The following KIF9 variants were observed in gnomAD, a reference collection of about 807,000 sequenced individuals.
KIF9 encodes the protein kinesin-like protein KIF9.
A neutral mutation model predicts 94.8 loss-of-function variants in KIF9; 68 were observed. The ratio of observed to expected loss-of-function variants is 0.72; its 90% CI spans 0.59 to 0.88. KIF9 has a LOEUF of 0.88. Among genes scored for constraint, KIF9 ranks in the 40% least tolerant of loss-of-function variants. The pLI is 0.00. For missense variants in KIF9, 882 were observed against 982.5 expected (o/e 0.90, Z 1.37); for synonymous variants, 343 against 362.1 (o/e 0.95, Z 0.60).
At chr3:47,273,708 T>C (rs773519860) in intron 3 of KIF9, 50 bp from the exon 4 acceptor site, 12 of 1,502,618 alleles carry the variant, frequency 8.0e-6, no homozygotes, top group Middle Eastern at 1.7e-4. Flanking sequence ...GCTCCAAGGA[T>C]AACTCTCCCC....
At chr3:47,262,270 TTTTG>T (rs1205434114) in intron 9 of KIF9, among the ~76,000 whole-genome samples, 2 of 148,684 alleles carry the variant, frequency 1.3e-5, no homozygotes, top group African/African-American at 2.6e-5. Context: ...TGCGGGGTTT[TTTTG>T]TTTTTTTTTT....
rs766453051 is a variant in KIF9 at position 47,265,719 on chromosome 3, T to C, written c.916+11A>G. ...GACCCTCCTCCCTGGGCAGCAACTGTACCCCCTCACCTAACGAGTCCTTCA... is the reference window on the plus strand; with the variant it reads ...GACCCTCCTCCCTGGGCAGCAACTGCACCCCCTCACCTAACGAGTCCTTCA... On this transcript the variant is annotated intron_variant, in intron 8 of 20. Transcript: ENST00000684063. 5.0e-6 allele frequency: 8 copies of C among 1,613,432 alleles called. No homozygotes were observed. The African/African-American group carries it at 1.1e-4, about 22-fold the overall frequency.
rs541870782 is a variant in KIF9 at position 47,247,257 on chromosome 3, C to T, written c.1233+116G>A. 1.0e-4 allele frequency: 70 copies of T among 686,898 alleles called. No homozygotes were observed. The East Asian group carries it at 1.4e-3, about 14-fold the overall frequency. 42.6% of individuals were successfully genotyped at this position (686,898 alleles called of 1,614,324 possible). On this transcript the variant is annotated intron_variant, in intron 12 of 20. Coordinates refer to ENST00000684063, the MANE Select transcript of KIF9 (RefSeq NM_182902.4). ...ACATCAAGAGTCCAGCACCACCCTC[C>T]ACCCACTGCACCCATTCACATGAGG...
At chr3:47,282,180 C>T in intron 1 of KIF9, 2 of 985,366 alleles carry the variant, frequency 2.0e-6, no homozygotes, top group South Asian at 4.7e-5. Flanking sequence ...CCAAAGCCCC[C>T]TCTAGTTCGA....
chr3:47,233,266 G>A (rs1279941224), intron 20 of KIF9, among the ~76,000 whole-genome samples: 1 of 150,280 alleles, frequency 6.7e-6, no homozygotes, highest in Admixed American at 6.7e-5. Context: ...AAGAGGCTGA[G>A]GCAGGAGAAT....
intron 9 of KIF9, among the ~76,000 whole-genome samples, chr3:47,262,124 A>T (rs1453934136): frequency 1.3e-5 from 2 of 152,060 alleles, no homozygotes; most frequent in Non-Finnish European, 2.9e-5. Context: ...GGGTACCAGG[A>T]GTTGTTTCCT....
chr3:47,228,446 T>A lies in KIF9; in HGVS notation c.*206A>T. On this transcript the variant is annotated 3_prime_UTR_variant, in exon 21 of 21. Coordinates refer to ENST00000684063, the MANE Select transcript of KIF9 (RefSeq NM_182902.4). ...TATCCTGTCCCTGCATATAAGACAG[T>A]GAATTAAAACCCAAAGTGCTCTGTG... The A allele has an allele frequency of 1.6e-6, 1 of 619,320 alleles. No homozygotes were observed. The highest frequency in any genetic ancestry group is 1.9e-5 in the South Asian group (1 of 52,228). The allele number at this position is 619,320 out of a possible 1,614,324, so 38.4% of individuals were successfully genotyped here. A position where few individuals can be genotyped will look rare whatever the true frequency, so the allele number is the denominator to read the frequency against.
rs756292385 is a variant in KIF9, at chr3:47,243,146, A to C, written c.1614T>G (p.Asp538Glu). 8 of 1,613,890 alleles carry C rather than the reference A, an allele frequency of 5.0e-6. No individual in the cohort carries two copies. In the East Asian group the frequency reaches 1.8e-4, roughly 36 times the overall value. The change falls in exon 16 of 21, where the codon GAT (aspartate) becomes GAG (glutamate). Residue 538 changes from aspartate to glutamate, a missense_variant. By Grantham distance (45) the Asp-to-Glu change is conservative. Coordinates refer to ENST00000684063, the MANE Select transcript of KIF9 (RefSeq NM_182902.4). The stretch of plus-strand genomic sequence containing the variant: ...GCGAAAGCATGTCTTTGACATCCCC[A>C]TCTTTGGAGGATGGGACCAGCTGGG... ...SKTQLVPSSK[D>E]GDVKDMLSRD...
chr3:47,252,178 T>A (rs544757772), intron 10 of KIF9, among the ~76,000 whole-genome samples: 3 of 152,234 alleles, frequency 2.0e-5, no homozygotes, highest in Non-Finnish European at 4.4e-5. Context: ...CAAGAACTCA[T>A]GTTTGTAAAG....
At chr3:47,248,843 A>G (rs1700090604) in intron 10 of KIF9, among the ~76,000 whole-genome samples, 1 of 152,054 alleles carries the variant, frequency 6.6e-6, no homozygotes, top group African/African-American at 2.4e-5. Context: ...TCCTGGGCTC[A>G]AGCAATCCTC....
chr3:47,282,679 C>T lies in KIF9; in HGVS notation c.-190G>A. On this transcript the variant is annotated 5_prime_UTR_variant, in exon 1 of 21. An upstream start codon of the reference 5' UTR is lost. Coordinates refer to ENST00000684063, the MANE Select transcript of KIF9 (RefSeq NM_182902.4). The stretch of plus-strand genomic sequence containing the variant: ...CCTACGTCGAGGATACGGGTGAGGT[C>T]ATGGCCGAATCGGGAAGACGAGAGA... 7.5e-7 allele frequency: 1 copy of T among 1,325,660 alleles called. No individual in the cohort carries two copies. The highest frequency in any genetic ancestry group is 9.7e-7 in the Non-Finnish European group (1 of 1,028,884). 82.1% of individuals were successfully genotyped at this position (1,325,660 alleles called of 1,614,324 possible). A position where few individuals can be genotyped will look rare whatever the true frequency, so the allele number is the denominator to read the frequency against.
intron 20 of KIF9, among the ~76,000 whole-genome samples, chr3:47,232,080 T>G (rs1698629849): frequency 6.6e-6 from 1 of 152,152 alleles, no homozygotes; most frequent in Non-Finnish European, 1.5e-5. Context: ...CTTGAAGGCT[T>G]TACCCTCAGG....
At chr3:47,242,017 C>T (rs1316110303) in intron 16 of KIF9, among the ~76,000 whole-genome samples, 2 of 151,180 alleles carry the variant, frequency 1.3e-5, no homozygotes, top group Non-Finnish European at 2.9e-5. Flanking sequence ...CTGAGTAGCT[C>T]GGACTACAGG....
At chr3:47,282,392 A>C (rs1576115961) in intron 1 of KIF9, 103 bp downstream of exon 1, 1 of 986,126 alleles carries the variant, frequency 1.0e-6, no homozygotes, top group Non-Finnish European at 1.2e-6. Context: ...CCAGCTGGGA[A>C]CCCCCAGATA....
At chr3:47,247,708 C>G (rs1700014979) in intron 11 of KIF9, among the ~76,000 whole-genome samples, 1 of 152,194 alleles carries the variant, frequency 6.6e-6, no homozygotes, top group Non-Finnish European at 1.5e-5. Flanking sequence ...GACCCTCAGA[C>G]ATGGGTCCTG....
At chr3:47,249,659 C>T (rs942949726) in intron 10 of KIF9, among the ~76,000 whole-genome samples, 2 of 152,178 alleles carry the variant, frequency 1.3e-5, no homozygotes, top group Admixed American at 6.5e-5. Context: ...TTGTCCGCTG[C>T]CCTGGAATTC....
intron 15 of KIF9, 145 bp downstream of exon 15, chr3:47,244,646 A>T: frequency 9.8e-7 from 1 of 1,022,510 alleles, no homozygotes; most frequent in Non-Finnish European, 1.5e-6. Context: ...GGCCCCACAG[A>T]CTTGCTAGTA....
At chr3:47,276,689 T>C (rs1701995684) in intron 2 of KIF9, among the ~76,000 whole-genome samples, 1 of 152,230 alleles carries the variant, frequency 6.6e-6, no homozygotes, top group South Asian at 2.1e-4. Flanking sequence ...GTGAGCTCTT[T>C]TCTGACCGCT....
In KIF9 at chr3:47,282,758, C is replaced by T; in HGVS notation, c.-269G>A. 7.0e-7 allele frequency: 1 copy of T among 1,427,028 alleles called. No individual in the cohort carries two copies. The highest frequency in any genetic ancestry group is 1.5e-5 in the South Asian group (1 of 66,662). The allele number at this position is 1,427,028 out of a possible 1,614,324, so 88.4% of individuals were successfully genotyped here. ...GCGGATGCACATGCGAAGTCAAGGT[C>T]GAGATAGCGAGGGAACGAAGGCCGC... On this transcript the variant is annotated 5_prime_UTR_variant, in exon 1 of 21. Transcript: ENST00000684063.
Sources: gnomAD v4.1 joint callset for allele counts (sites outside exome capture counted in the v4.1 genomes callset) on GRCh38, gnomAD v4.1.1 for gene constraint, MANE v1.5 for transcripts, NCBI Gene and HGNC (gene_info 2026-07-23, HGNC 2026-07-21) for gene names.